The following NCKAP5 variants were observed in gnomAD, a reference collection of about 807,000 sequenced individuals.
NCKAP5 encodes nck-associated protein 5.
NCKAP5 carries 92 observed loss-of-function variants against 167.0 expected under a neutral mutation model. The ratio of observed to expected loss-of-function variants is 0.55; its 90% CI spans 0.47 to 0.66. The LOEUF (loss-of-function observed/expected upper bound fraction) is 0.66. Among genes scored for constraint, NCKAP5 ranks in the 30% least tolerant of loss-of-function variants. NCKAP5 has a pLI of 0.00. For synonymous variants in NCKAP5, 891 were observed against 877.4 expected (o/e 1.02, Z -0.27); for missense variants, 2,378 against 2,315.0 (o/e 1.03, Z -0.56).
chr2:133,605,362 G>A, the NCKAP5 span, among the ~76,000 whole-genome samples: 1 of 152,196 alleles, frequency 6.6e-6, no homozygotes. Context: ...GTGGTCTGGG[G>A]AGGGCACTGA....
At chr2:133,657,506 G>C in the NCKAP5 span, among the ~76,000 whole-genome samples, 1 of 152,154 alleles carries the variant, frequency 6.6e-6, no homozygotes, top group Non-Finnish European at 1.5e-5. Context: ...CTGTTCCTTA[G>C]GAAAACTGCC....
At chr2:132,899,407 T>C (rs1693449456) in intron 8 of NCKAP5, among the ~76,000 whole-genome samples, 1 of 152,382 alleles carries the variant, frequency 6.6e-6, no homozygotes, top group African/African-American at 2.4e-5. Flanking sequence ...TAAGGCTGTT[T>C]TGCTTTCTCA....
At chr2:132,681,237 T>C (rs1014854311) in intron 19 of NCKAP5, among the ~76,000 whole-genome samples, 2 of 152,148 alleles carry the variant, frequency 1.3e-5, no homozygotes, top group Non-Finnish European at 2.9e-5. Flanking sequence ...GTTAAGAATT[T>C]CAGCTGACAA....
At chr2:132,850,678 C>T (rs17325998) in intron 11 of NCKAP5, among the ~76,000 whole-genome samples, 7,143 of 152,164 alleles carry the variant, frequency 0.047, 188 homozygotes, top group East Asian at 0.093. Context: ...CACTTTGCTA[C>T]CTTAGTACAG....
the NCKAP5 span, among the ~76,000 whole-genome samples, chr2:133,663,454 C>G: frequency 1.3e-5 from 2 of 152,178 alleles, no homozygotes; most frequent in African/African-American, 4.8e-5. Context: ...CATTGACTGA[C>G]TTTTCATGGA....
At chr2:133,229,051 G>A (rs771208073) in intron 4 of NCKAP5, among the ~76,000 whole-genome samples, 5 of 152,086 alleles carry the variant, frequency 3.3e-5, no homozygotes, top group Admixed American at 6.6e-5. Flanking sequence ...ATTCCACTAC[G>A]TAAAACTCTG....
intron 11 of NCKAP5, among the ~76,000 whole-genome samples, chr2:132,818,107 C>A (rs1250194830): frequency 1.3e-5 from 2 of 152,140 alleles, no homozygotes; most frequent in East Asian, 1.9e-4. Flanking sequence ...GCCAGCATGC[C>A]TGGCTAATTT....
intron 19 of NCKAP5, among the ~76,000 whole-genome samples, chr2:132,687,810 G>GA (rs149525710): frequency 1.8e-3 from 272 of 148,446 alleles, no homozygotes; most frequent in Non-Finnish European, 3.1e-3. Flanking sequence ...TTAAGCAAGG[G>GA]AAAAAAAAAT....
intron 19 of NCKAP5, among the ~76,000 whole-genome samples, chr2:132,696,127 A>T (rs942810528): frequency 6.6e-6 from 1 of 152,238 alleles, no homozygotes; most frequent in Non-Finnish European, 1.5e-5. Context: ...ATCTACAGGG[A>T]CACAGCCTGA....
intron 4 of NCKAP5, among the ~76,000 whole-genome samples, chr2:133,214,863 C>T (rs1432702792): frequency 6.6e-6 from 1 of 152,142 alleles, no homozygotes; most frequent in African/African-American, 2.4e-5. Flanking sequence ...ATAAAGGATG[C>T]AGTTCAATCC....
chr2:133,408,203 G>A (rs1291345974), intron 3 of NCKAP5, among the ~76,000 whole-genome samples: 1 of 152,166 alleles, frequency 6.6e-6, no homozygotes, highest in African/African-American at 2.4e-5. Flanking sequence ...TGATGATGAG[G>A]AGAGGCACAG....
intron 6 of NCKAP5, among the ~76,000 whole-genome samples, chr2:133,013,635 G>C (rs775132263): frequency 6.6e-6 from 1 of 152,104 alleles, no homozygotes; most frequent in African/African-American, 2.4e-5. Context: ...GTTACAATTC[G>C]AGATGAGATT....
At chr2:133,599,203 C>A in the NCKAP5 span, among the ~76,000 whole-genome samples, 1 of 152,204 alleles carries the variant, frequency 6.6e-6, no homozygotes, top group African/African-American at 2.4e-5. Context: ...GTAGGGGACA[C>A]AATTCAACCC....
intron 3 of NCKAP5, among the ~76,000 whole-genome samples, chr2:133,502,966 C>T (rs1404260252): frequency 3.9e-5 from 6 of 152,232 alleles, no homozygotes; most frequent in African/African-American, 1.4e-4. Context: ...GCATCTGAAA[C>T]GATCCTAGGT....
intron 6 of NCKAP5, among the ~76,000 whole-genome samples, chr2:132,997,238 A>C (rs775186815): frequency 6.6e-6 from 1 of 152,134 alleles, no homozygotes; most frequent in Non-Finnish European, 1.5e-5. Context: ...CTAGATTATT[A>C]ATTGGAGAAA....
intron 19 of NCKAP5, among the ~76,000 whole-genome samples, chr2:132,684,868 C>T (rs1439608011): frequency 6.6e-6 from 1 of 152,158 alleles, no homozygotes. Context: ...AAAGTTCTTC[C>T]AATCTCATTA....
chr2:133,617,771 A>T, the NCKAP5 span, among the ~76,000 whole-genome samples: 1 of 151,430 alleles, frequency 6.6e-6, no homozygotes, highest in Non-Finnish European at 1.5e-5. Flanking sequence ...TCAAGCTACC[A>T]ATGACTTTCT....
intron 3 of NCKAP5, among the ~76,000 whole-genome samples, chr2:133,456,738 A>G (rs1691887815): frequency 6.6e-6 from 1 of 152,190 alleles, no homozygotes. Context: ...AATTAGTTGG[A>G]TAAAGCAAAC....
chr2:132,872,468 T>G (rs2148778579), intron 9 of NCKAP5, among the ~76,000 whole-genome samples: 1 of 152,156 alleles, frequency 6.6e-6, no homozygotes, highest in South Asian at 2.1e-4. Context: ...GGCTATGGAG[T>G]TCTCTATTAT....
Sources: allele counts gnomAD v4.1 joint callset (sites outside exome capture counted in the v4.1 genomes callset), GRCh38; gene constraint gnomAD v4.1.1; transcripts MANE v1.5; gene names NCBI Gene and HGNC (gene_info 2026-07-23, HGNC 2026-07-21).